CACNA1E: variants seen among roughly 807,000 people sequenced by gnomAD.
CACNA1E encodes the protein calcium voltage-gated channel subunit alpha1 E, also known as voltage-dependent R-type calcium channel subunit alpha-1E.
A neutral mutation model predicts 259.2 loss-of-function variants in CACNA1E; 40 were observed. The observed-to-expected ratio is 0.15, with a 90% CI of 0.12 to 0.20. The LOEUF (loss-of-function observed/expected upper bound fraction) is 0.20. Ranked by LOEUF, CACNA1E falls within the 10% of genes least tolerant of loss-of-function variation. CACNA1E has a pLI of 1.00. For missense variants in CACNA1E, 1,874 were observed against 3,040.1 expected (o/e 0.62, Z 9.02); for synonymous variants, 1,104 against 1,138.5 (o/e 0.97, Z 0.61).
intron 2 of CACNA1E, among the ~76,000 whole-genome samples, chr1:181,445,412 A>G (rs1660733234): frequency 6.6e-6 from 1 of 152,258 alleles, no homozygotes; most frequent in South Asian, 2.1e-4. Context: ...AACACACCAG[A>G]TGACCCTGCT....
chr1:181,630,711 T>C (rs1277672440), intron 6 of CACNA1E, among the ~76,000 whole-genome samples: 1 of 152,086 alleles, frequency 6.6e-6, no homozygotes, highest in Non-Finnish European at 1.5e-5. Flanking sequence ...ACTGCAAGGA[T>C]TCAAGGCATA....
intron 2 of CACNA1E, among the ~76,000 whole-genome samples, chr1:181,471,529 CTT>C (rs1558029639): frequency 6.6e-6 from 1 of 151,860 alleles, no homozygotes; most frequent in Non-Finnish European, 1.5e-5. Flanking sequence ...TGAAGAGTTT[CTT>C]TGATTTTTTT....
At chr1:181,607,987 G>T (rs1572363713) in intron 6 of CACNA1E, among the ~76,000 whole-genome samples, 1 of 152,310 alleles carries the variant, frequency 6.6e-6, no homozygotes, top group Non-Finnish European at 1.5e-5. Flanking sequence ...GTCATTTCTA[G>T]TCCTGGGCCT....
chr1:181,469,852 C>A (rs533604313), intron 2 of CACNA1E, among the ~76,000 whole-genome samples: 1 of 152,254 alleles, frequency 6.6e-6, no homozygotes, highest in East Asian at 1.9e-4. Flanking sequence ...ACCCTAATAG[C>A]CTCCAGGGAA....
Position 181,762,566 on chromosome 1 carries a change from T to C in CACNA1E, c.4606-8T>C. 1 of 1,564,722 alleles carries C rather than the reference T, an allele frequency of 6.4e-7. No homozygotes were observed. The highest frequency in any genetic ancestry group is 8.8e-7 in the Non-Finnish European group (1 of 1,135,870). Reference sequence around the variant, plus strand: ...TCTGATGTTCCTATGACTGAATTCATTTGGCAGAACTATTTCCGAGACACC... The same window carrying C: ...TCTGATGTTCCTATGACTGAATTCACTTGGCAGAACTATTTCCGAGACACC... On this transcript the variant is annotated splice_polypyrimidine_tract_variant and splice_region_variant and intron_variant, in intron 32 of 47. Coordinates refer to ENST00000367573, the MANE Select transcript of CACNA1E (RefSeq NM_001205293.3).
rs539564215 is a variant in CACNA1E at position 181,508,692 on chromosome 1, G to C, written c.267-1785G>C. On this transcript the variant is annotated intron_variant, in intron 1 of 47. Transcript: ENST00000367573. ...GCCCTTGGCAGGCTGTATGTTGGGG[G>C]CCAGTCCTTAGAAGGTGGTCATGCT... Among the ~76,000 whole-genome samples the C allele has an allele frequency of 1.5e-4, 23 of 152,296 alleles. No homozygotes were observed. In the South Asian group the frequency reaches 4.6e-3, roughly 30 times the overall value.
At chr1:181,592,214 G>A (rs1372273762) in intron 6 of CACNA1E, among the ~76,000 whole-genome samples, 1 of 152,160 alleles carries the variant, frequency 6.6e-6, no homozygotes, top group African/African-American at 2.4e-5. Flanking sequence ...TCTTCTAGGT[G>A]TTTACATCCC....
chr1:181,348,452 T>G (rs1652786410), intron 1 of CACNA1E, among the ~76,000 whole-genome samples: 1 of 152,132 alleles, frequency 6.6e-6, no homozygotes, highest in Non-Finnish European at 1.5e-5. Flanking sequence ...AGGAGCTGAC[T>G]TAGAGGGTCA....
chr1:181,543,402 C>A (rs1029792546), intron 3 of CACNA1E, among the ~76,000 whole-genome samples: 1 of 152,128 alleles, frequency 6.6e-6, no homozygotes, highest in African/African-American at 2.4e-5. Context: ...ACTGAATGTT[C>A]CTGTCCACAA....
At chr1:181,612,151 C>G (rs941519412) in intron 6 of CACNA1E, among the ~76,000 whole-genome samples, 1 of 152,188 alleles carries the variant, frequency 6.6e-6, no homozygotes, top group Non-Finnish European at 1.5e-5. Flanking sequence ...GGAAAGAGCA[C>G]CAGAGGAAAG....
intron 2 of CACNA1E, among the ~76,000 whole-genome samples, chr1:181,435,281 G>A (rs1469927978): frequency 6.6e-6 from 1 of 152,162 alleles, no homozygotes; most frequent in East Asian, 1.9e-4. Flanking sequence ...TTACAGGGAG[G>A]CAATATGCAG....
At position 181,802,769 on chromosome 1, in the gene CACNA1E, CAT is replaced by C. The variant is rs553237689; in HGVS notation, c.*3939_*3940del. On this transcript the variant is annotated 3_prime_UTR_variant, in exon 48 of 48. Coordinates refer to ENST00000367573, the MANE Select transcript of CACNA1E (RefSeq NM_001205293.3). Reference sequence around the variant, plus strand: ...TCCTGGCATAATGCAACAAAAATCTCATATAATTTTGATTTTTAAAAAGTTGT... The same window carrying C: ...TCCTGGCATAATGCAACAAAAATCTCATAATTTTGATTTTTAAAAAGTTGT... 10 of 152,320 alleles carry C rather than the reference CAT, an allele frequency of 6.6e-5. No individual in the cohort carries two copies. In the South Asian group the frequency reaches 2.1e-3, roughly 32 times the overall value. The allele number at this position is 152,320 out of a possible 1,614,324, so 9.4% of individuals were successfully genotyped here.
chr1:181,679,193 G>A (rs951519861), intron 7 of CACNA1E, among the ~76,000 whole-genome samples: 1 of 152,184 alleles, frequency 6.6e-6, no homozygotes, highest in African/African-American at 2.4e-5. Context: ...TTAACAAAAT[G>A]TATTGGATAA....
At chr1:181,770,534 T>C (rs1172424368) in intron 35 of CACNA1E, among the ~76,000 whole-genome samples, 1 of 152,112 alleles carries the variant, frequency 6.6e-6, no homozygotes, top group Non-Finnish European at 1.5e-5. Context: ...CCAAAGCCAT[T>C]TTCTGTTTTC....
intron 6 of CACNA1E, among the ~76,000 whole-genome samples, chr1:181,605,288 G>C (rs932663817): frequency 1.3e-5 from 2 of 150,074 alleles, no homozygotes; most frequent in African/African-American, 4.9e-5. Flanking sequence ...CATGCAATTG[G>C]GGAGACAGAA....
chr1:181,505,986 A>G (rs539391962), intron 1 of CACNA1E, among the ~76,000 whole-genome samples: 210 of 152,344 alleles, frequency 1.4e-3, no homozygotes, highest in African/African-American at 4.8e-3. Flanking sequence ...CATCATCTCC[A>G]TTTGTTCAAG....
At chr1:181,790,654 A>G in intron 44 of CACNA1E, 98 bp downstream of exon 44, 1 of 819,808 alleles carries the variant, frequency 1.2e-6, no homozygotes, top group Non-Finnish European at 2.1e-6. Flanking sequence ...AGGAAAATCC[A>G]TTCTAGTAGT....
In CACNA1E at chr1:181,625,199, GC is replaced by G. The variant is rs1289015189; in HGVS notation, c.952-26136del. On this transcript the variant is annotated intron_variant, in intron 6 of 47. Coordinates refer to ENST00000367573, the MANE Select transcript of CACNA1E (RefSeq NM_001205293.3). ...AGTAGATTTAGCATAACTCCTAAGG[GC>G]CCTAGGATTTTTGGAATGGCCAATG... Among the ~76,000 whole-genome samples, 2 of 151,896 alleles carry G rather than the reference GC, an allele frequency of 1.3e-5. 1 individual carries two copies. Among genetic ancestry groups the G allele is most frequent in the African/African-American group, 4.8e-5 (2 of 41,336 alleles).
chr1:181,749,734 T>C lies in CACNA1E; in HGVS notation c.3720-742T>C, dbSNP rs186829785. 1.2e-4 allele frequency among the ~76,000 whole-genome samples: 18 copies of C among 152,362 alleles called. No homozygotes were observed. In the East Asian group the frequency reaches 3.5e-3, roughly 29 times the overall value. ...TTCTATCTTGAAGATATTTATGCCC[T>C]GACTTATTTTAAATGCCTCACCAGT... On this transcript the variant is annotated intron_variant, in intron 25 of 47. Transcript: ENST00000367573.
Sources: allele counts gnomAD v4.1 joint callset (sites outside exome capture counted in the v4.1 genomes callset), GRCh38; gene constraint gnomAD v4.1.1; transcripts MANE v1.5; gene names NCBI Gene and HGNC (gene_info 2026-07-23, HGNC 2026-07-21).